Variants in MYLIP observed in about 807,000 individuals in gnomAD.
MYLIP encodes the protein myosin regulatory light chain interacting protein.
In MYLIP, 26 loss-of-function variants were observed where a neutral mutation model predicts 45.8. The observed-to-expected ratio is 0.57, with a 90% CI of 0.42 to 0.79. The LOEUF is 0.79. Among genes scored for constraint, MYLIP ranks in the 30% least tolerant of loss-of-function variants. The pLI is 0.00. For synonymous variants in MYLIP, 213 were observed against 218.1 expected (o/e 0.98, Z 0.21); for missense variants, 494 against 555.6 (o/e 0.89, Z 1.11).
At chr6:16,135,953 C>T (rs989957209) in intron 2 of MYLIP, among the ~76,000 whole-genome samples, 1 of 151,134 alleles carries the variant, frequency 6.6e-6, no homozygotes, top group South Asian at 2.1e-4. Flanking sequence ...TTTATCAGTC[C>T]TCTATCCACC....
At chr6:16,152,483 C>T (rs954601744), downstream of MYLIP, among the ~76,000 whole-genome samples, 5 of 152,112 alleles carry the variant, frequency 3.3e-5, no homozygotes, top group Non-Finnish European at 7.4e-5. Context: ...GTAGAGGGCC[C>T]AAATGCTGCC....
chr6:16,143,980 G>T, intron 5 of MYLIP, 117 bp downstream of exon 5: 3 of 1,180,380 alleles, frequency 2.5e-6, no homozygotes, highest in Non-Finnish European at 3.5e-6. Flanking sequence ...CAGAATTTAA[G>T]AAATTCTGAA....
the MYLIP span, among the ~76,000 whole-genome samples, chr6:16,162,785 TAA>T: frequency 5.3e-4 from 37 of 69,582 alleles, no homozygotes; most frequent in Middle Eastern, 6.8e-3. Flanking sequence ...ACCTCAACTC[TAA>T]AAAAAAAAAA....
intron 2 of MYLIP, among the ~76,000 whole-genome samples, chr6:16,134,844 T>C (rs1759519082): frequency 6.6e-6 from 1 of 152,266 alleles, no homozygotes; most frequent in African/African-American, 2.4e-5. Context: ...ATTATATGTG[T>C]TTATTTCAGC....
chr6:16,134,078 C>T (rs1036840887), intron 2 of MYLIP, among the ~76,000 whole-genome samples: 35 of 152,170 alleles, frequency 2.3e-4, no homozygotes, highest in African/African-American at 7.5e-4. Context: ...TCCCCCAAGA[C>T]ATCATGTATC....
chr6:16,158,843 C>T, the MYLIP span, among the ~76,000 whole-genome samples: 1 of 152,198 alleles, frequency 6.6e-6, no homozygotes, highest in African/African-American at 2.4e-5. Flanking sequence ...GCACTCCAGC[C>T]TGGGCGGCAG....
intron 1 of MYLIP, 121 bp from the exon 2 acceptor site, chr6:16,130,436 C>T: frequency 1.0e-6 from 1 of 972,484 alleles, no homozygotes; most frequent in Non-Finnish European, 1.6e-6. Context: ...CAGTTTAGAT[C>T]AGGAATTGTA....
At chr6:16,160,071 A>C in the MYLIP span, among the ~76,000 whole-genome samples, 1 of 152,218 alleles carries the variant, frequency 6.6e-6, no homozygotes, top group African/African-American at 2.4e-5. Flanking sequence ...GTGTAAGAAC[A>C]ATGACTCTGC....
At chr6:16,150,594 G>A (rs185706082), downstream of MYLIP, among the ~76,000 whole-genome samples, 8 of 152,226 alleles carry the variant, frequency 5.3e-5, no homozygotes, top group South Asian at 2.1e-4. Flanking sequence ...CTCGGAGGCC[G>A]GGAGGCGAGA....
At chr6:16,157,787 A>G in the MYLIP span, among the ~76,000 whole-genome samples, 186 of 152,404 alleles carry the variant, frequency 1.2e-3, 1 homozygote, top group African/African-American at 3.7e-3. Flanking sequence ...AGACTCGTAC[A>G]GGAAACTCCC....
At chr6:16,130,182 T>C (rs1393696160) in intron 1 of MYLIP, among the ~76,000 whole-genome samples, 1 of 152,174 alleles carries the variant, frequency 6.6e-6, no homozygotes, top group Non-Finnish European at 1.5e-5. Context: ...ATGGTTAAAA[T>C]TGCCCAGATA....
chr6:16,163,462 C>G, the MYLIP span: 22 of 152,228 alleles, frequency 1.4e-4, no homozygotes, highest in African/African-American at 4.6e-4. Context: ...CTGAAGCCAA[C>G]AAAGCTGTCA....
chr6:16,129,285 A>T lies in MYLIP; in HGVS notation c.-38A>T. The T allele has an allele frequency of 6.5e-7, 1 of 1,548,642 alleles. No homozygotes were observed. Among genetic ancestry groups the T allele is most frequent in the Non-Finnish European group, 8.7e-7 (1 of 1,145,534 alleles). ...CAAGGCGGCAGCCCCGCGCACACCA[A>T]AGAGAAGGCGGCTGTGGCGGCAGCG... On this transcript the variant is annotated 5_prime_UTR_variant, in exon 1 of 7. Transcript: ENST00000356840. This position sits in a 1 kb window ranked among gnomAD's most constrained non-coding sequence, Gnocchi z 5.1.
At chr6:16,153,253 C>G in the MYLIP span, among the ~76,000 whole-genome samples, 1 of 152,226 alleles carries the variant, frequency 6.6e-6, no homozygotes, top group Non-Finnish European at 1.5e-5. Context: ...AAAAGCTCGT[C>G]TCCACATTCC....
At chr6:16,152,015 G>A (rs1759885453), downstream of MYLIP, among the ~76,000 whole-genome samples, 1 of 152,182 alleles carries the variant, frequency 6.6e-6, no homozygotes, top group African/African-American at 2.4e-5. Flanking sequence ...TGTATGAATG[G>A]ATGCCAGTGA....
chr6:16,156,451 G>A, the MYLIP span, among the ~76,000 whole-genome samples: 1 of 152,242 alleles, frequency 6.6e-6, no homozygotes, highest in African/African-American at 2.4e-5. Flanking sequence ...GCAGGAGAGT[G>A]AAGGTGGTGG....
At chr6:16,143,660 C>G in intron 4 of MYLIP, 39 bp from the exon 5 acceptor site, 1 of 1,602,930 alleles carries the variant, frequency 6.2e-7, no homozygotes, top group East Asian at 2.2e-5. Context: ...AAGAATCACT[C>G]CTTCTAGATC....
downstream of MYLIP, among the ~76,000 whole-genome samples, chr6:16,148,512 A>T (rs4716049): frequency 0.36 from 54,567 of 150,614 alleles, 10,290 homozygotes; most frequent in African/African-American, 0.47. Flanking sequence ...TCACTTCACC[A>T]GGTTATTCTC....
At chr6:16,143,338 T>A in intron 4 of MYLIP, 121 bp downstream of exon 4, 1 of 998,106 alleles carries the variant, frequency 1.0e-6, no homozygotes. Flanking sequence ...AGATTTCATT[T>A]TGGTATGTAC....
Sources: gnomAD v4.1 joint callset for allele counts (sites outside exome capture counted in the v4.1 genomes callset) on GRCh38, gnomAD v4.1.1 for gene constraint, Gnocchi (gnomAD v3.1) non-coding constraint, MANE v1.5 for transcripts, NCBI Gene and HGNC (gene_info 2026-07-23, HGNC 2026-07-21) for gene names.